The following NAV3 variants were observed in gnomAD, a reference collection of about 807,000 sequenced individuals.
The protein encoded by NAV3 is pore membrane and/or filament interacting like protein 1.
A neutral mutation model predicts 244.7 loss-of-function variants in NAV3; 87 were observed. The observed-to-expected ratio is 0.36, with a 90% CI of 0.30 to 0.42. The LOEUF is 0.42. Ranked by LOEUF, NAV3 falls within the 20% of genes least tolerant of loss-of-function variation. NAV3 has a pLI of 1.00. For synonymous variants in NAV3, 1,126 were observed against 1,042.2 expected (o/e 1.08, Z -1.55); for missense variants, 2,663 against 2,893.3 (o/e 0.92, Z 1.83).
At chr12:77,839,824 CT>C (rs1455660042) in intron 1 of NAV3, among the ~76,000 whole-genome samples, 1 of 152,146 alleles carries the variant, frequency 6.6e-6, no homozygotes, top group Non-Finnish European at 1.5e-5. Context: ...AATCCCAGCA[CT>C]TTGGGAGGCC....
intron 9 of NAV3, among the ~76,000 whole-genome samples, chr12:78,041,454 A>G (rs140898111): frequency 2.2e-4 from 34 of 152,280 alleles, no homozygotes; most frequent in African/African-American, 7.7e-4. Context: ...GTGTTGCAAT[A>G]TTTGAGTGAC....
At chr12:77,623,675 C>T (rs186492322) in intron 2 of NAV3, among the ~76,000 whole-genome samples, 1 of 152,130 alleles carries the variant, frequency 6.6e-6, no homozygotes, top group Non-Finnish European at 1.5e-5. Context: ...CTTGTTGTCT[C>T]GAAGAATACT....
intron 35 of NAV3, among the ~76,000 whole-genome samples, 175 bp downstream of exon 35, chr12:78,197,576 A>G (rs915534256): frequency 3.3e-5 from 5 of 151,948 alleles, no homozygotes; most frequent in Non-Finnish European, 7.4e-5. Context: ...AAGTAAATGT[A>G]CACTGTAGAA....
chr12:77,884,857 C>T (rs1028916972), intron 1 of NAV3, among the ~76,000 whole-genome samples: 1 of 151,962 alleles, frequency 6.6e-6, no homozygotes, highest in Admixed American at 6.6e-5. Context: ...TGATGTTCAC[C>T]GTTAATTTAG....
At chr12:77,818,335 TAA>T (rs1334701785) in intron 2 of NAV3, among the ~76,000 whole-genome samples, 3 of 152,226 alleles carry the variant, frequency 2.0e-5, no homozygotes, top group East Asian at 1.9e-4. Flanking sequence ...GTACATGCAT[TAA>T]GTCATGATTT....
At chr12:77,850,236 A>G (rs1192588711) in intron 1 of NAV3, among the ~76,000 whole-genome samples, 1 of 152,216 alleles carries the variant, frequency 6.6e-6, no homozygotes, top group African/African-American at 2.4e-5. Context: ...TTTCCTTGTC[A>G]GAACGTAACT....
rs1874406464 is a variant in NAV3, at chr12:77,680,604, C to T, written c.72+108338C>T. Among the ~76,000 whole-genome samples the T allele has an allele frequency of 2.6e-5, 4 of 152,128 alleles. No homozygotes were observed. In the South Asian group the frequency reaches 8.3e-4, roughly 32 times the overall value. On this transcript the variant is annotated intron_variant, in intron 2 of 8. Transcript: ENST00000550042. ...AAGATGGTATTTTGTACTTCATTGCCAAATTCTTTTATCCTGTTTCTCTGT... is the reference window on the plus strand; with the variant it reads ...AAGATGGTATTTTGTACTTCATTGCTAAATTCTTTTATCCTGTTTCTCTGT...
At chr12:77,717,750 C>G (rs1268811982) in intron 2 of NAV3, among the ~76,000 whole-genome samples, 1 of 151,950 alleles carries the variant, frequency 6.6e-6, no homozygotes, top group South Asian at 2.1e-4. Context: ...TACATCCTTA[C>G]CAATAAGTGT....
rs527964803 is a variant in NAV3, at chr12:77,665,826, C to T, written c.72+93560C>T. On this transcript the variant is annotated intron_variant, in intron 2 of 8. Transcript: ENST00000550042. ...CTGAATTTATAGCTGCTGATCCTAACCATTCCACTTCAAGTTAATATAGTT... is the reference window on the plus strand; with the variant it reads ...CTGAATTTATAGCTGCTGATCCTAATCATTCCACTTCAAGTTAATATAGTT... Among the ~76,000 whole-genome samples, 21 of 152,288 alleles carry T rather than the reference C, an allele frequency of 1.4e-4. No homozygotes were observed. The South Asian group carries it at 4.4e-3, about 32-fold the overall frequency.
chr12:78,205,243 T>G, intron 39 of NAV3, 105 bp downstream of exon 39: 1 of 1,224,688 alleles, frequency 8.2e-7, no homozygotes, highest in South Asian at 1.4e-5. Flanking sequence ...TAAGCAACAT[T>G]TGGAACAGTT....
intron 2 of NAV3, among the ~76,000 whole-genome samples, chr12:77,639,133 G>A (rs1000112018): frequency 2.0e-5 from 3 of 152,086 alleles, no homozygotes; most frequent in African/African-American, 7.2e-5. Context: ...GGGGTAGCTG[G>A]ACTATCTCCA....
At chr12:77,898,702 T>G (rs1056382013) in intron 1 of NAV3, among the ~76,000 whole-genome samples, 8 of 152,204 alleles carry the variant, frequency 5.3e-5, no homozygotes, top group African/African-American at 1.9e-4. Flanking sequence ...TATAATTTTC[T>G]AAAACGTGGA....
At chr12:77,699,900 G>A (rs919062530) in intron 2 of NAV3, among the ~76,000 whole-genome samples, 1 of 151,630 alleles carries the variant, frequency 6.6e-6, no homozygotes, top group African/African-American at 2.4e-5. Context: ...GAACCCACTT[G>A]TAGATGGAAC....
intron 4 of NAV3, among the ~76,000 whole-genome samples, chr12:77,967,957 T>C (rs1892659129): frequency 6.6e-6 from 1 of 152,164 alleles, no homozygotes; most frequent in South Asian, 2.1e-4. Context: ...TATGGATATA[T>C]ATTTGGAGGA....
chr12:77,943,987 A>G (rs1321284597), intron 3 of NAV3, among the ~76,000 whole-genome samples: 1 of 152,214 alleles, frequency 6.6e-6, no homozygotes, highest in Non-Finnish European at 1.5e-5. Flanking sequence ...CATGTAATCA[A>G]TATTTACTAA....
chr12:78,168,011 G>T lies in NAV3; in HGVS notation c.4870-744G>T, dbSNP rs866114608. ...CTTAAAATTACTCTAAATTCAAAAA[G>T]AAAATATATGCTTTATTAAAATTTG... On this transcript the variant is annotated intron_variant, in intron 23 of 39. Transcript: ENST00000397909. 8.6e-5 allele frequency among the ~76,000 whole-genome samples: 13 copies of T among 151,670 alleles called. No individual in the cohort carries two copies. In the South Asian group the frequency reaches 2.7e-3, roughly 31 times the overall value.
intron 2 of NAV3, among the ~76,000 whole-genome samples, chr12:77,808,066 G>A (rs1872076468): frequency 6.6e-6 from 1 of 152,096 alleles, no homozygotes; most frequent in African/African-American, 2.4e-5. Flanking sequence ...ATTCTAGTTA[G>A]CAATTCTTCT....
intron 9 of NAV3, among the ~76,000 whole-genome samples, chr12:78,043,852 T>A (rs1190188390): frequency 6.6e-6 from 1 of 152,232 alleles, no homozygotes; most frequent in Non-Finnish European, 1.5e-5. Context: ...ATGGATAGAT[T>A]GCAAAAATTG....
intron 2 of NAV3, among the ~76,000 whole-genome samples, chr12:77,679,576 G>C (rs762854272): frequency 3.9e-5 from 6 of 152,040 alleles, no homozygotes; most frequent in Non-Finnish European, 7.4e-5. Flanking sequence ...TGTTTATTAA[G>C]TGATAGTTTA....
Sources: allele counts gnomAD v4.1 joint callset (sites outside exome capture counted in the v4.1 genomes callset), GRCh38; gene constraint gnomAD v4.1.1; transcripts MANE v1.5; gene names NCBI Gene and HGNC (gene_info 2026-07-23, HGNC 2026-07-21).